Variants in DGKH observed in about 807,000 individuals in gnomAD.
DGKH encodes DAG kinase eta.
In DGKH, 90 loss-of-function variants were observed where a neutral mutation model predicts 159.3. The ratio of observed to expected loss-of-function variants is 0.57; its 90% CI spans 0.48 to 0.67. DGKH has a LOEUF of 0.67. DGKH is among the 30% of genes least tolerant of loss of function. The pLI is 0.00. For synonymous variants in DGKH, 536 were observed against 553.8 expected, an observed-to-expected ratio of 0.97 and a Z score of 0.45; for missense variants, 1,181 against 1,506.1, an observed-to-expected ratio of 0.78 and a Z score of 3.57.
chr13:42,042,083 A>C (rs1183866665), intron 1 of DGKH, among the ~76,000 whole-genome samples: 1 of 152,170 alleles, frequency 6.6e-6, no homozygotes, highest in Non-Finnish European at 1.5e-5. Context: ...ATCCCTCTGC[A>C]TCTGCAGCTG....
intron 20 of DGKH, 30 bp downstream of exon 20, chr13:42,199,939 A>C: frequency 3.9e-6 from 6 of 1,544,820 alleles, no homozygotes; most frequent in Non-Finnish European, 4.4e-6. Context: ...AAGATATTTC[A>C]TATTATCTTA....
chr13:42,171,372 C>T (rs933057521), intron 11 of DGKH, among the ~76,000 whole-genome samples: 1 of 152,194 alleles, frequency 6.6e-6, no homozygotes, highest in Admixed American at 6.5e-5. Context: ...TGTGTGTAGG[C>T]CAGATGGTTC....
intron 1 of DGKH, among the ~76,000 whole-genome samples, chr13:42,108,798 G>A (rs1566105620): frequency 6.6e-6 from 1 of 152,176 alleles, no homozygotes; most frequent in Non-Finnish European, 1.5e-5. Context: ...ATAGCCAAGG[G>A]GTAGATTTCC....
intron 30 of DGKH, chr13:42,255,811 ATTATT>A (rs1176130146): frequency 4.2e-5 from 24 of 576,306 alleles, no homozygotes; most frequent in Non-Finnish European, 4.8e-5. Flanking sequence ...TTAGGGAAAG[ATTATT>A]TTAAGTAATA....
At chr13:42,254,145 G>C (rs1958640600) in intron 30 of DGKH, among the ~76,000 whole-genome samples, 1 of 152,168 alleles carries the variant, frequency 6.6e-6, no homozygotes, top group Non-Finnish European at 1.5e-5. Context: ...ATAAGATTCA[G>C]TAATTCCACT....
At chr13:42,080,308 C>A (rs1400340636) in intron 1 of DGKH, among the ~76,000 whole-genome samples, 1 of 152,158 alleles carries the variant, frequency 6.6e-6, no homozygotes, top group Non-Finnish European at 1.5e-5. Context: ...TCACTCTATA[C>A]TTTATGAGGT....
chr13:42,228,519 A>G (rs17063063), intron 29 of DGKH, among the ~76,000 whole-genome samples: 4,589 of 152,192 alleles, frequency 0.03, 231 homozygotes, highest in African/African-American at 0.1. Flanking sequence ...ATATTTTAGC[A>G]CAAGAAATGT....
chr13:42,049,112 GGCGGGGAAGGCGGGGAA>G (rs1881040235), intron 1 of DGKH, 147 bp downstream of exon 1: 1 of 1,118,040 alleles, frequency 8.9e-7, no homozygotes, highest in African/African-American at 1.8e-5. Flanking sequence ...AGGCGGGGAA[GGCGGGGAAGGCGGGGAA>G]GGCGGGGATG....
chr13:42,198,548 T>C lies in DGKH; in HGVS notation c.2238T>C (p.Ile746=), dbSNP rs760561988. The change falls in exon 18 of 30, where the codon ATT becomes ATC. Residue 746 remains isoleucine (I), a synonymous_variant. Coordinates refer to ENST00000337343, the MANE Select transcript of DGKH (RefSeq NM_178009.5). Reference sequence around the variant, plus strand: ...TCAACAAAATGTTACTGGCAAACATTGATCCTTTTGGTGCCACGCCGTTTA... The same window carrying C: ...TCAACAAAATGTTACTGGCAAACATCGATCCTTTTGGTGCCACGCCGTTTA... The part of the protein sequence containing the change: ...SIINKMLLAN[I]DPFGATPFID... 1.9e-6 allele frequency: 3 copies of C among 1,613,872 alleles called. No individual in the cohort carries two copies. The highest frequency in any genetic ancestry group is 2.2e-5 in the South Asian group (2 of 91,064).
intron 1 of DGKH, among the ~76,000 whole-genome samples, chr13:42,052,490 A>G (rs866819659): frequency 1.3e-5 from 2 of 152,234 alleles, no homozygotes; most frequent in African/African-American, 2.4e-5. Context: ...CAAAAGTGAA[A>G]GTGGTGCTGA....
intron 2 of DGKH, 96 bp downstream of exon 2, chr13:42,127,669 A>G (rs775792025): frequency 2.4e-6 from 2 of 826,018 alleles, no homozygotes; most frequent in Non-Finnish European, 4.0e-6. Context: ...AGCGCACTGT[A>G]GCATTATGCT....
Position 42,214,518 on chromosome 13 carries a change from CA to C in DGKH, c.3027del (p.Ala1010ProfsTer15), listed in dbSNP as rs1566201169. The C allele has an allele frequency of 1.9e-6, 3 of 1,611,594 alleles. No individual in the cohort carries two copies. The highest frequency in any genetic ancestry group is 2.5e-6 in the Non-Finnish European group (3 of 1,178,936). On this transcript the variant is annotated frameshift_variant, in exon 25 of 30. Coordinates refer to ENST00000337343, the MANE Select transcript of DGKH (RefSeq NM_178009.5). LOFTEE classifies it high-confidence loss of function. ...AEELITRICDAATIHCLLEQE... is the reference protein window; with the variant it reads ...AEELITRICDXATIHCLLEQE... ...ATTTTTGCTTTTAGGATATGTGACG[CA>C]GCCACAATTCACTGTCTTTTGGAGC...
chr13:42,078,122 A>C (rs1025566387), intron 1 of DGKH, among the ~76,000 whole-genome samples: 1 of 152,214 alleles, frequency 6.6e-6, no homozygotes, highest in Non-Finnish European at 1.5e-5. Flanking sequence ...AATATGATAC[A>C]TCAAAGAATC....
intron 24 of DGKH, among the ~76,000 whole-genome samples, chr13:42,212,445 A>G (rs896816116): frequency 1.3e-5 from 2 of 152,218 alleles, no homozygotes; most frequent in African/African-American, 4.8e-5. Flanking sequence ...CAGACTAAAT[A>G]CATCTCTTTT....
intron 3 of DGKH, among the ~76,000 whole-genome samples, chr13:42,152,605 GT>G (rs2137941755): frequency 7.4e-6 from 1 of 134,996 alleles, no homozygotes; most frequent in East Asian, 2.0e-4. Flanking sequence ...CCTTTGTCAT[GT>G]CATTTTCCCA....
intron 1 of DGKH, among the ~76,000 whole-genome samples, chr13:42,093,073 A>G (rs1333129340): frequency 2.0e-5 from 3 of 151,928 alleles, no homozygotes; most frequent in Non-Finnish European, 4.4e-5. Flanking sequence ...GTGAAGCCCT[A>G]TCTCTACTAA....
Position 42,048,779 on chromosome 13 carries a change from A to T in DGKH, c.6A>T (p.Ala2=), listed in dbSNP as rs988618308. The change falls in exon 1 of 30, where the codon GCA becomes GCT. Residue 2 remains alanine (A), a synonymous_variant. Coordinates refer to ENST00000337343, the MANE Select transcript of DGKH (RefSeq NM_178009.5). The surrounding 1 kb of genome is among the most constrained non-coding windows in gnomAD (Gnocchi z 6.7). M[A]GAGGQHHPPG... The stretch of plus-strand genomic sequence containing the variant: ...CCCCGCAGGAGTCGGAGAGGATGGC[A>T]GGGGCCGGAGGCCAGCACCACCCTC... The T allele has an allele frequency of 1.5e-6, 2 of 1,299,968 alleles. No homozygotes were observed. The highest frequency in any genetic ancestry group is 3.1e-5 in the African/African-American group (2 of 64,330). 80.5% of individuals were successfully genotyped at this position (1,299,968 alleles called of 1,614,324 possible). A position where few individuals can be genotyped will look rare whatever the true frequency, so the allele number is the denominator to read the frequency against.
At chr13:42,047,484 C>A (rs1880870818), upstream of DGKH, among the ~76,000 whole-genome samples, 1 of 152,224 alleles carries the variant, frequency 6.6e-6, no homozygotes, top group African/African-American at 2.4e-5. Flanking sequence ...ACTTTTTGTC[C>A]TATTTAAAAA....
At position 42,154,036 on chromosome 13, in the gene DGKH, T is replaced by C. The variant is rs1955981067; in HGVS notation, c.385-1255T>C. The C allele has an allele frequency of 2.0e-5, 3 of 152,188 alleles. No homozygotes were observed. In the South Asian group the frequency reaches 6.2e-4, roughly 32 times the overall value. The allele number at this position is 152,188 out of a possible 1,614,324, so 9.4% of individuals were successfully genotyped here. ...GTAGCTAAGACTGGATTGATCTCTG[T>C]TGTTTTGAATATTGGACTTATTTTC... is the stretch of plus-strand genomic sequence containing the variant. On this transcript the variant is annotated intron_variant, in intron 3 of 29. Transcript: ENST00000337343.
Sources: gnomAD v4.1 joint callset for allele counts (sites outside exome capture counted in the v4.1 genomes callset) on GRCh38, gnomAD v4.1.1 for gene constraint, Gnocchi (gnomAD v3.1) non-coding constraint, MANE v1.5 for transcripts, NCBI Gene and HGNC (gene_info 2026-07-23, HGNC 2026-07-21) for gene names.